The following PLPP7 variants were observed in gnomAD, a reference collection of about 807,000 sequenced individuals.
PLPP7 encodes the protein phospholipid phosphatase 7 (inactive).
Under a neutral mutation model 16.9 loss-of-function variants are expected in PLPP7, and 11 were observed. That is an observed-to-expected ratio of 0.65 (90% CI 0.41 to 1.08). The LOEUF (loss-of-function observed/expected upper bound fraction) is 1.08. Among genes scored for constraint, PLPP7 ranks in the 50% least tolerant of loss-of-function variants. The probability of loss-of-function intolerance (pLI) is 0.00; values close to 1 mark genes in which losing one functional copy is unlikely to be tolerated. For missense variants in PLPP7, 358 were observed against 397.1 expected (o/e 0.90, Z 0.84); for synonymous variants, 174 against 175.1 (o/e 0.99, Z 0.05).
chr9:131,305,151 C>A (rs1183635428), intron 1 of PLPP7, among the ~76,000 whole-genome samples: 1 of 152,208 alleles, frequency 6.6e-6, no homozygotes, highest in East Asian at 1.9e-4. Context: ...ACCAAAAGAA[C>A]TGAAAACAGG....
At chr9:131,296,643 G>A (rs901999903) in intron 1 of PLPP7, among the ~76,000 whole-genome samples, 4 of 152,228 alleles carry the variant, frequency 2.6e-5, no homozygotes, top group Non-Finnish European at 4.4e-5. Flanking sequence ...CTCCCAGGAA[G>A]AGCCTCTGCC....
At chr9:131,298,724 C>A (rs1045855401) in intron 1 of PLPP7, among the ~76,000 whole-genome samples, 5 of 152,234 alleles carry the variant, frequency 3.3e-5, no homozygotes, top group Non-Finnish European at 7.3e-5. Flanking sequence ...GGCAGCAGCT[C>A]TTCTCCAAGA....
At chr9:131,305,097 G>C (rs867558512) in intron 1 of PLPP7, among the ~76,000 whole-genome samples, 1 of 152,228 alleles carries the variant, frequency 6.6e-6, no homozygotes, top group Non-Finnish European at 1.5e-5. Context: ...GTCACACACA[G>C]AGTTACTGTC....
intron 1 of PLPP7, chr9:131,291,123 C>CT: frequency 7.3e-7 from 1 of 1,366,572 alleles, no homozygotes; most frequent in Non-Finnish European, 9.8e-7. Flanking sequence ...TAGCACCGCC[C>CT]TGTGCCAGGT....
intron 1 of PLPP7, among the ~76,000 whole-genome samples, chr9:131,306,486 G>A (rs868403298): frequency 1.3e-5 from 2 of 151,662 alleles, no homozygotes; most frequent in African/African-American, 4.8e-5. Context: ...GCAGTGAGCC[G>A]AGATCATGCC....
At chr9:131,294,757 G>T (rs374576146) in intron 1 of PLPP7, among the ~76,000 whole-genome samples, 8 of 150,972 alleles carry the variant, frequency 5.3e-5, no homozygotes, top group Non-Finnish European at 7.4e-5. Context: ...TGCAACCTCC[G>T]CCTCCCGGGT....
intron 1 of PLPP7, among the ~76,000 whole-genome samples, chr9:131,304,988 G>T (rs1458110487): frequency 6.6e-6 from 1 of 152,176 alleles, no homozygotes; most frequent in South Asian, 2.1e-4. Context: ...AAGAGCCTCA[G>T]GTATGAGTGC....
At chr9:131,294,179 C>T (rs1835710981) in intron 1 of PLPP7, among the ~76,000 whole-genome samples, 1 of 152,090 alleles carries the variant, frequency 6.6e-6, no homozygotes, top group South Asian at 2.1e-4. Flanking sequence ...TAGCAGCAGG[C>T]AAAAGTTTGG....
intron 1 of PLPP7, among the ~76,000 whole-genome samples, chr9:131,298,846 C>T (rs1337233143): frequency 6.6e-6 from 1 of 152,188 alleles, no homozygotes; most frequent in Non-Finnish European, 1.5e-5. Context: ...GAGGTGGGTT[C>T]TTGTTGCCCT....
chr9:131,293,213 C>A (rs1440603156), intron 1 of PLPP7, among the ~76,000 whole-genome samples: 1 of 148,620 alleles, frequency 6.7e-6, no homozygotes, highest in Non-Finnish European at 1.5e-5. Context: ...AACCCCCCCA[C>A]TCCTCGCTGC....
Position 131,293,034 on chromosome 9 carries a change from C to T in PLPP7, c.451+2586C>T, listed in dbSNP as rs934443160. 5.2e-5 allele frequency: 46 copies of T among 882,380 alleles called. No homozygotes were observed. In the Admixed American group the frequency reaches 8.7e-4, roughly 17 times the overall value. The allele number at this position is 882,380 out of a possible 1,614,324, so 54.7% of individuals were successfully genotyped here. Reference sequence around the variant, plus strand: ...TATGTACCAAAGACAATGGCATGAACGGCCTGTATTTTATGATGTAAAAAA... The same window carrying T: ...TATGTACCAAAGACAATGGCATGAATGGCCTGTATTTTATGATGTAAAAAA... On this transcript the variant is annotated intron_variant, in intron 1 of 1. Transcript: ENST00000372264.
At chr9:131,293,053 T>TA in intron 1 of PLPP7, 4 of 793,176 alleles carry the variant, frequency 5.0e-6, no homozygotes, top group Non-Finnish European at 6.1e-6. Context: ...TTTTATGATG[T>TA]AAAAAAGCTG....
chr9:131,307,703 G>T (rs1203267188), intron 1 of PLPP7, among the ~76,000 whole-genome samples: 1 of 152,134 alleles, frequency 6.6e-6, no homozygotes, highest in Non-Finnish European at 1.5e-5. Flanking sequence ...GTCAGGGAAG[G>T]CTTCTCCGCT....
chr9:131,302,353 C>CT (rs1186257909), intron 1 of PLPP7, among the ~76,000 whole-genome samples: 2 of 152,198 alleles, frequency 1.3e-5, no homozygotes, highest in South Asian at 2.1e-4. Flanking sequence ...AGAGGACCAG[C>CT]TGGCCCCTCT....
In PLPP7 at chr9:131,290,541, C is replaced by T; in HGVS notation, c.451+93C>T. The T allele has an allele frequency of 8.1e-7, 1 of 1,234,334 alleles. No individual in the cohort carries two copies. The highest frequency in any genetic ancestry group is 1.5e-5 in the African/African-American group (1 of 65,664). 76.5% of individuals were successfully genotyped at this position (1,234,334 alleles called of 1,614,324 possible). ...CACCCTGGCCGGGACCTGCACAGCC[C>T]TCAGAAACCGGCTGGGATGGTCTAA... On this transcript the variant is annotated intron_variant, in intron 1 of 1. Coordinates refer to ENST00000372264, the MANE Select transcript of PLPP7 (RefSeq NM_032728.4). This position sits in a 1 kb window ranked among gnomAD's most constrained non-coding sequence, Gnocchi z 4.2.
At chr9:131,307,307 A>G (rs566937984) in intron 1 of PLPP7, among the ~76,000 whole-genome samples, 2 of 146,442 alleles carry the variant, frequency 1.4e-5, no homozygotes, top group South Asian at 2.2e-4. Context: ...ATCCCAGCAC[A>G]ATGGGAGGCT....
intron 1 of PLPP7, among the ~76,000 whole-genome samples, chr9:131,307,362 T>C (rs1323798132): frequency 2.7e-5 from 4 of 150,412 alleles, no homozygotes; most frequent in Non-Finnish European, 5.9e-5. Context: ...GACCAGTCTG[T>C]CCAACATGGC....
At chr9:131,293,664 C>CTATT in intron 1 of PLPP7, among the ~76,000 whole-genome samples, 2 of 152,326 alleles carry the variant, frequency 1.3e-5, no homozygotes, top group South Asian at 4.1e-4. Flanking sequence ...GAGAGACTGG[C>CTATT]TATTGTCCAG....
In PLPP7 at chr9:131,290,326, G is replaced by T. The variant is rs766651422; in HGVS notation, c.329G>T (p.Arg110Leu). ...CGGGCGGCGTCCTGGGCCAGTGCCC[G>T]CTCCATGGTCAAGCTCATCGGCATC... is the stretch of plus-strand genomic sequence containing the variant. ...AGRAASWASA[R>L]SMVKLIGITG... Residue 110 changes from arginine (R) to leucine (L), a missense_variant, in exon 1 of 2, where the codon CGC becomes CTC. Transcript: ENST00000372264. The surrounding 1 kb of genome is among the most constrained non-coding windows in gnomAD (Gnocchi z 4.2). The T allele has an allele frequency of 6.2e-6, 10 of 1,611,174 alleles. No homozygotes were observed. The highest frequency in any genetic ancestry group is 8.5e-6 in the Non-Finnish European group (10 of 1,178,926).
Sources: gnomAD v4.1 joint callset for allele counts (sites outside exome capture counted in the v4.1 genomes callset) on GRCh38, gnomAD v4.1.1 for gene constraint, Gnocchi (gnomAD v3.1) non-coding constraint, MANE v1.5 for transcripts, NCBI Gene and HGNC (gene_info 2026-07-23, HGNC 2026-07-21) for gene names.